SPMAP2: variants seen among roughly 807,000 people sequenced by gnomAD.
SPMAP2 encodes sperm microtubule associated protein 2, also known as Theg homolog.
the SPMAP2 span, chr19:375,597 C>A: frequency 2.1e-6 from 3 of 1,426,844 alleles, no homozygotes; most frequent in Non-Finnish European, 2.8e-6. Context: ...CTGCTGCCCT[C>A]CCCCCACTGC....
the SPMAP2 span, chr19:374,092 G>T: frequency 6.5e-7 from 1 of 1,527,694 alleles, no homozygotes; most frequent in Non-Finnish European, 9.0e-7. Context: ...CTCTCCTTTG[G>T]CCACCGCCCA....
the SPMAP2 span, among the ~76,000 whole-genome samples, chr19:368,730 A>G: frequency 7.2e-5 from 11 of 152,206 alleles, no homozygotes; most frequent in Non-Finnish European, 1.3e-4. This position sits in a 1 kb window ranked among gnomAD's most constrained non-coding sequence, Gnocchi z 4.1. Context: ...AATCACAGAC[A>G]CATCTCTCAG....
the SPMAP2 span, chr19:367,110 G>GTCCCACTC: frequency 1.9e-6 from 3 of 1,613,150 alleles, no homozygotes; most frequent in Non-Finnish European, 2.5e-6. Context: ...TGTGGCTTGG[G>GTCCCACTC]TTTTGGCACG....
chr19:367,120 G>T, the SPMAP2 span: 1 of 1,613,168 alleles, frequency 6.2e-7, no homozygotes, highest in East Asian at 2.2e-5. Flanking sequence ...GTTTTGGCAC[G>T]GGGTCCCACT....
At chr19:373,939 C>T in the SPMAP2 span, 1 of 1,612,968 alleles carries the variant, frequency 6.2e-7, no homozygotes, top group Admixed American at 1.7e-5. Flanking sequence ...CCTGGACTTA[C>T]CAGCAGAGAC....
At chr19:370,500 C>A in the SPMAP2 span, among the ~76,000 whole-genome samples, 7 of 120,294 alleles carry the variant, frequency 5.8e-5, no homozygotes, top group East Asian at 1.6e-3. Context: ...CGCCACCACC[C>A]CCGGCTAATT....
At chr19:362,365 A>G in the SPMAP2 span, 18 of 1,608,190 alleles carry the variant, frequency 1.1e-5, no homozygotes, top group African/African-American at 2.7e-5. Flanking sequence ...TCTTGGTGAC[A>G]TCCAGCACCT....
the SPMAP2 span, among the ~76,000 whole-genome samples, chr19:364,177 C>CA: frequency 4.1e-3 from 597 of 145,388 alleles, 6 homozygotes; most frequent in African/African-American, 0.013. Context: ...ACTAAAAATA[C>CA]AAAAAAAAAA....
At chr19:364,749 C>T in the SPMAP2 span, among the ~76,000 whole-genome samples, 12 of 152,040 alleles carry the variant, frequency 7.9e-5, no homozygotes, top group African/African-American at 2.9e-4. Context: ...CCCCCTCCTC[C>T]TGGTACCCCC....
At chr19:371,465 T>C in the SPMAP2 span, 1 of 457,130 alleles carries the variant, frequency 2.2e-6, no homozygotes, top group Non-Finnish European at 3.9e-6. Flanking sequence ...TCCCAGCTCC[T>C]CCTCTGTTTC....
the SPMAP2 span, among the ~76,000 whole-genome samples, chr19:375,189 T>C: frequency 5.3e-5 from 8 of 152,174 alleles, no homozygotes; most frequent in Admixed American, 3.9e-4. Context: ...CCCCCAGTGC[T>C]GATTGGCCGA....
chr19:362,350 C>T, the SPMAP2 span: 4 of 1,610,860 alleles, frequency 2.5e-6, no homozygotes, highest in Non-Finnish European at 2.5e-6. Context: ...GGCTGGCCAC[C>T]ACCTTCTTGG....
the SPMAP2 span, among the ~76,000 whole-genome samples, chr19:375,138 C>T: frequency 4.6e-5 from 7 of 152,252 alleles, no homozygotes; most frequent in South Asian, 4.1e-4. Context: ...GTAGAGTGCG[C>T]GCCTTGCTGG....
chr19:373,845 C>A, the SPMAP2 span: 4 of 1,207,930 alleles, frequency 3.3e-6, no homozygotes, highest in African/African-American at 6.0e-5. Context: ...ATCCTCCTCC[C>A]TGGAGAGAGG....
the SPMAP2 span, among the ~76,000 whole-genome samples, chr19:372,045 G>A: frequency 2.2e-4 from 34 of 152,300 alleles, 1 homozygote; most frequent in Admixed American, 1.8e-3. Flanking sequence ...ATGATTTGGC[G>A]TTAAAAAGTG....
the SPMAP2 span, among the ~76,000 whole-genome samples, chr19:370,508 AT>A: frequency 0.11 from 15,130 of 141,356 alleles, 935 homozygotes; most frequent in Admixed American, 0.2. Context: ...CCCCCGGCTA[AT>A]TTTTTTTTTT....
At chr19:371,054 G>C in the SPMAP2 span, 2 of 501,346 alleles carry the variant, frequency 4.0e-6, no homozygotes, top group South Asian at 9.2e-5. Context: ...AAGACAGTGA[G>C]AGATCAAAAG....
the SPMAP2 span, chr19:361,878 C>T: frequency 6.3e-5 from 10 of 159,578 alleles, no homozygotes; most frequent in East Asian, 1.0e-3. Flanking sequence ...CCGACTCCGA[C>T]GGTCCCGTGG....
At chr19:366,137 C>G in the SPMAP2 span, among the ~76,000 whole-genome samples, 74 of 150,932 alleles carry the variant, frequency 4.9e-4, no homozygotes, top group Non-Finnish European at 1.2e-4. Context: ...AAGACTCCAT[C>G]TCAAAAAAAA....
Sources: gnomAD v4.1 joint callset for allele counts (sites outside exome capture counted in the v4.1 genomes callset) on GRCh38, gnomAD v4.1.1 for gene constraint, Gnocchi (gnomAD v3.1) non-coding constraint, MANE v1.5 for transcripts, NCBI Gene and HGNC (gene_info 2026-07-23, HGNC 2026-07-21) for gene names.